CLDN18: variants seen among roughly 807,000 people sequenced by gnomAD.
CLDN18 encodes the protein claudin 18.
Under a neutral mutation model 25.0 loss-of-function variants are expected in CLDN18, and 20 were observed. The ratio of observed to expected loss-of-function variants is 0.80; its 90% CI spans 0.56 to 1.16. CLDN18 has a LOEUF of 1.16. Among genes scored for constraint, CLDN18 ranks in the 50% most tolerant of loss-of-function variants. CLDN18 has a pLI of 0.00. For synonymous variants in CLDN18, 125 were observed against 135.6 expected, an observed-to-expected ratio of 0.92 and a Z score of 0.54; for missense variants, 297 against 345.4, an observed-to-expected ratio of 0.86 and a Z score of 1.11.
intron 1 of CLDN18, among the ~76,000 whole-genome samples, chr3:138,004,135 C>T (rs1208854555): frequency 6.6e-6 from 1 of 152,094 alleles, no homozygotes; most frequent in African/African-American, 2.4e-5. Context: ...GATTGCACCA[C>T]TGCAACACAG....
intron 1 of CLDN18, among the ~76,000 whole-genome samples, chr3:138,016,673 AGCTGGAATCAAGG>A (rs1252112497): frequency 1.3e-5 from 2 of 152,148 alleles, no homozygotes; most frequent in African/African-American, 4.8e-5. Context: ...GAGGGAAGTG[AGCTGGAATCAAGG>A]GCACAATTTG....
upstream of CLDN18, among the ~76,000 whole-genome samples, chr3:138,007,241 T>G (rs1942078963): frequency 6.6e-6 from 1 of 152,214 alleles, no homozygotes; most frequent in African/African-American, 2.4e-5. Context: ...TAAAAGCACA[T>G]GCACACATAT....
At position 138,032,263 on chromosome 3, in the gene CLDN18, CA is replaced by C. The variant is rs1400101819; in HGVS notation, c.*1123del. 1 of 151,746 alleles carries C rather than the reference CA, an allele frequency of 6.6e-6. No homozygotes were observed. The highest frequency in any genetic ancestry group is 6.6e-5 in the Admixed American group (1 of 15,216). 9.4% of individuals were successfully genotyped at this position (151,746 alleles called of 1,614,324 possible). On this transcript the variant is annotated 3_prime_UTR_variant, in exon 5 of 5. Transcript: ENST00000183605. ...GGAGAAGCCCTGTCTCTACAAAATA[CA>C]GAGAGAAAAAATCAGCCAGTCATGG...
At chr3:138,022,588 A>G (rs983335732) in intron 1 of CLDN18, among the ~76,000 whole-genome samples, 2 of 152,220 alleles carry the variant, frequency 1.3e-5, no homozygotes, top group African/African-American at 2.4e-5. Context: ...CGGACTTAAG[A>G]GGAAAAAAGG....
chr3:138,010,038 A>G (rs1942113495), upstream of CLDN18: 22 of 1,002,362 alleles, frequency 2.2e-5, no homozygotes, highest in Non-Finnish European at 3.1e-5. Flanking sequence ...TCTCTAACAA[A>G]TGTAAAAATA....
At chr3:138,004,826 T>A (rs1287661627) in intron 1 of CLDN18, 2 of 151,550 alleles carry the variant, frequency 1.3e-5, no homozygotes, top group Non-Finnish European at 2.9e-5. Context: ...AATTCTAGAA[T>A]AACTATCTCC....
intron 1 of CLDN18, chr3:137,999,093 G>A: frequency 6.2e-7 from 1 of 1,613,646 alleles, no homozygotes; most frequent in Non-Finnish European, 8.5e-7. Flanking sequence ...TGCCAGGTAA[G>A]GGCCAGGTGT....
chr3:138,013,284 G>C (rs1942163053), intron 1 of CLDN18, among the ~76,000 whole-genome samples: 1 of 152,174 alleles, frequency 6.6e-6, no homozygotes, highest in Admixed American at 6.5e-5. Context: ...ATCCAATCAT[G>C]TATTTAACAA....
chr3:138,023,348 A>G (rs1942290705), intron 1 of CLDN18, among the ~76,000 whole-genome samples: 1 of 152,220 alleles, frequency 6.6e-6, no homozygotes, highest in Non-Finnish European at 1.5e-5. Flanking sequence ...ATCAAGCTTT[A>G]AAAATGAGGA....
chr3:138,013,399 A>G (rs1227448210), intron 1 of CLDN18, among the ~76,000 whole-genome samples: 2 of 152,178 alleles, frequency 1.3e-5, no homozygotes, highest in African/African-American at 4.8e-5. Context: ...AAACATCTCA[A>G]TGGCTTGACA....
intron 1 of CLDN18, among the ~76,000 whole-genome samples, chr3:138,018,438 G>A (rs1248103490): frequency 1.3e-5 from 2 of 148,694 alleles, no homozygotes; most frequent in African/African-American, 2.5e-5. Context: ...CCGGGTTCAC[G>A]CCATTCTCCT....
At chr3:138,007,943 A>G (rs1318140973), upstream of CLDN18, among the ~76,000 whole-genome samples, 4 of 152,214 alleles carry the variant, frequency 2.6e-5, no homozygotes. Context: ...TAGATCATGT[A>G]ACTGTTGCTT....
At chr3:138,006,456 G>A (rs184109574), upstream of CLDN18, among the ~76,000 whole-genome samples, 11 of 152,248 alleles carry the variant, frequency 7.2e-5, no homozygotes, top group African/African-American at 2.6e-4. Flanking sequence ...CCTGAATGCA[G>A]GGATGATTTC....
At chr3:138,012,752 G>C (rs1351503050) in intron 1 of CLDN18, among the ~76,000 whole-genome samples, 2 of 152,218 alleles carry the variant, frequency 1.3e-5, no homozygotes, top group East Asian at 3.8e-4. Context: ...ACACAAAACT[G>C]GCCTTGTCGG....
At chr3:138,018,628 A>G (rs932222552) in intron 1 of CLDN18, among the ~76,000 whole-genome samples, 16 of 151,346 alleles carry the variant, frequency 1.1e-4, no homozygotes, top group African/African-American at 3.9e-4. Context: ...GAGCCACCGC[A>G]CCCGGCCCTC....
intron 1 of CLDN18, among the ~76,000 whole-genome samples, chr3:138,012,854 G>C (rs1942157525): frequency 1.3e-5 from 2 of 152,186 alleles, no homozygotes; most frequent in Non-Finnish European, 2.9e-5. Context: ...AGTGTTTGGA[G>C]CCCAGGAAGA....
At chr3:138,006,619 T>A (rs1695739816), upstream of CLDN18, among the ~76,000 whole-genome samples, 1 of 152,174 alleles carries the variant, frequency 6.6e-6, no homozygotes, top group Admixed American at 6.5e-5. Flanking sequence ...AATGAGAAAG[T>A]CATATTTTCC....
At chr3:138,028,683 AAGG>A (rs1340570635) in intron 3 of CLDN18, among the ~76,000 whole-genome samples, 1 of 152,194 alleles carries the variant, frequency 6.6e-6, no homozygotes, top group Non-Finnish European at 1.5e-5. Flanking sequence ...TCACTTGAAG[AAGG>A]ATACTGCTCT....
At chr3:138,003,831 T>G (rs1236656215) in intron 1 of CLDN18, among the ~76,000 whole-genome samples, 1 of 152,156 alleles carries the variant, frequency 6.6e-6, no homozygotes, top group Non-Finnish European at 1.5e-5. Flanking sequence ...AAAAATTTTT[T>G]AAAGAAATTA....
Sources: allele counts gnomAD v4.1 joint callset (sites outside exome capture counted in the v4.1 genomes callset), GRCh38; gene constraint gnomAD v4.1.1; transcripts MANE v1.5; gene names NCBI Gene and HGNC (gene_info 2026-07-23, HGNC 2026-07-21).